Variants in CCDC77 observed in about 807,000 individuals in gnomAD.
CCDC77 encodes the protein coiled-coil domain-containing protein 77.
Under a neutral mutation model 66.8 loss-of-function variants are expected in CCDC77, and 56 were observed. That is an observed-to-expected ratio of 0.84 (90% CI 0.68 to 1.05). The LOEUF is 1.05. Among genes scored for constraint, CCDC77 ranks in the 50% least tolerant of loss-of-function variants. The pLI, the probability that CCDC77 is intolerant of heterozygous loss-of-function variation, is 0.00. For synonymous variants in CCDC77, 196 were observed against 195.2 expected (o/e 1.00, Z -0.03); for missense variants, 570 against 576.8 (o/e 0.99, Z 0.12).
At chr12:433,511 T>C (rs1945689359) in intron 9 of CCDC77, 189 bp downstream of exon 9, 3 of 1,356,634 alleles carry the variant, frequency 2.2e-6, no homozygotes, top group Non-Finnish European at 9.6e-7. Context: ...GTTGAAGAGC[T>C]GATGAGTATT....
intron 3 of CCDC77, among the ~76,000 whole-genome samples, chr12:411,299 G>A (rs1017131186): frequency 4.6e-5 from 7 of 151,386 alleles, no homozygotes; most frequent in African/African-American, 9.7e-5. Flanking sequence ...TCAGCCTCCC[G>A]AGTAGCTGGA....
intron 4 of CCDC77, among the ~76,000 whole-genome samples, chr12:417,799 G>C (rs772162764): frequency 9.2e-5 from 14 of 152,056 alleles, no homozygotes; most frequent in Non-Finnish European, 1.5e-4. Flanking sequence ...CTACTCAGGA[G>C]GCTGAGACAG....
intron 3 of CCDC77, among the ~76,000 whole-genome samples, chr12:410,195 A>T (rs141331711): frequency 1.3e-5 from 2 of 151,848 alleles, no homozygotes; most frequent in African/African-American, 4.8e-5. Flanking sequence ...CTATTTTGTT[A>T]TGTTATAAAT....
rs150681815 is a variant in CCDC77, at chr12:391,187, C to T, written c.-113+1701C>T. On this transcript the variant is annotated intron_variant, in intron 1 of 11. Transcript: ENST00000422000. Reference sequence around the variant, plus strand: ...TGATTTATGTCCAGGTGCAGTGGCTCACGCCTGTAATCCCAGCACTTTTTG... The same window carrying T: ...TGATTTATGTCCAGGTGCAGTGGCTTACGCCTGTAATCCCAGCACTTTTTG... Among the ~76,000 whole-genome samples, 430 of 152,296 alleles carry T rather than the reference C, an allele frequency of 2.8e-3. 13 individuals are homozygous for T. In the East Asian group the frequency reaches 0.065, roughly 23 times the overall value.
At chr12:424,677 G>T (rs1945495300) in intron 5 of CCDC77, among the ~76,000 whole-genome samples, 1 of 151,768 alleles carries the variant, frequency 6.6e-6, no homozygotes. Context: ...TTTTTATTTT[G>T]TTGCTTCTGC....
chr12:415,099 A>G (rs1191234921), intron 4 of CCDC77, among the ~76,000 whole-genome samples: 1 of 152,048 alleles, frequency 6.6e-6, no homozygotes, highest in Non-Finnish European at 1.5e-5. Context: ...GCCAGATGGC[A>G]GTGATGCAGC....
intron 5 of CCDC77, among the ~76,000 whole-genome samples, chr12:428,251 G>C (rs139450901): frequency 0.021 from 3,235 of 152,108 alleles, 115 homozygotes; most frequent in African/African-American, 0.074. Context: ...AGTGGCTCCC[G>C]CCTGTAATCC....
chr12:412,324 C>T (rs971706337), intron 4 of CCDC77, among the ~76,000 whole-genome samples: 5 of 152,182 alleles, frequency 3.3e-5, no homozygotes, highest in African/African-American at 1.2e-4. Context: ...AAACCTAAAC[C>T]CCATGATGCT....
chr12:426,224 A>G (rs1346222344), intron 5 of CCDC77, among the ~76,000 whole-genome samples: 1 of 152,200 alleles, frequency 6.6e-6, no homozygotes, highest in Non-Finnish European at 1.5e-5. Context: ...GGGAAAGACT[A>G]TAAAAGCACA....
At chr12:432,002 C>G in intron 8 of CCDC77, 48 bp downstream of exon 8, 1 of 1,124,930 alleles carries the variant, frequency 8.9e-7, no homozygotes, top group East Asian at 2.4e-5. Context: ...TCCACAGGTG[C>G]AGCTCTATGT....
intron 2 of CCDC77, among the ~76,000 whole-genome samples, 193 bp downstream of exon 2, chr12:405,757 T>A (rs1944978653): frequency 6.6e-6 from 1 of 152,130 alleles, no homozygotes; most frequent in Non-Finnish European, 1.5e-5. Flanking sequence ...TTGAGAGTTG[T>A]ATATATATAC....
intron 9 of CCDC77, among the ~76,000 whole-genome samples, chr12:436,360 G>A (rs1945757869): frequency 1.3e-5 from 2 of 151,416 alleles, no homozygotes; most frequent in African/African-American, 2.4e-5. Context: ...ATCTGACCTC[G>A]TGATCTGCCC....
chr12:428,690 A>T (rs1945583922), intron 5 of CCDC77, 79 bp from the exon 6 acceptor site: 2 of 900,340 alleles, frequency 2.2e-6, no homozygotes, highest in Non-Finnish European at 3.4e-6. Context: ...AAAAAATAGA[A>T]GGGAGATCCT....
chr12:397,054 G>A (rs1484982023), upstream of CCDC77, among the ~76,000 whole-genome samples: 2 of 152,068 alleles, frequency 1.3e-5, no homozygotes. Flanking sequence ...TTACAGGCAT[G>A]TGCCACATGT....
At chr12:441,272 T>C (rs894170490) in intron 12 of CCDC77, among the ~76,000 whole-genome samples, 1 of 152,226 alleles carries the variant, frequency 6.6e-6, no homozygotes, top group Non-Finnish European at 1.5e-5. Context: ...AAGAATCGTG[T>C]CTGTCTTACA....
At chr12:430,844 T>G in intron 7 of CCDC77, 108 bp downstream of exon 7, 2 of 820,990 alleles carry the variant, frequency 2.4e-6, no homozygotes, top group Non-Finnish European at 2.1e-6. Flanking sequence ...TTTGGGAGGC[T>G]GAGGTTGGTG....
chr12:394,069 G>A (rs984788972), intron 1 of CCDC77, among the ~76,000 whole-genome samples: 6 of 152,266 alleles, frequency 3.9e-5, no homozygotes, highest in East Asian at 1.9e-4. Flanking sequence ...TCACTTGAAA[G>A]CTCAAATTTT....
intron 9 of CCDC77, 90 bp from the exon 10 acceptor site, chr12:438,245 A>G: frequency 9.0e-6 from 8 of 891,928 alleles, no homozygotes; most frequent in South Asian, 3.4e-5. Context: ...CCATTTTAAA[A>G]GAACCACTCT....
chr12:392,669 T>C (rs1239699251), intron 1 of CCDC77, among the ~76,000 whole-genome samples: 1 of 151,770 alleles, frequency 6.6e-6, no homozygotes, highest in African/African-American at 2.4e-5. Context: ...CGCTTGAACC[T>C]GGGTGGCGGA....
Sources: gnomAD v4.1 joint callset for allele counts (sites outside exome capture counted in the v4.1 genomes callset) on GRCh38, gnomAD v4.1.1 for gene constraint, MANE v1.5 for transcripts, NCBI Gene and HGNC (gene_info 2026-07-23, HGNC 2026-07-21) for gene names.